RIMS1: variants seen among roughly 807,000 people sequenced by gnomAD.
The protein encoded by RIMS1 is regulating synaptic membrane exocytosis protein 1.
In RIMS1, 83 loss-of-function variants were observed where a neutral mutation model predicts 214.1. That is an observed-to-expected ratio of 0.39 (90% confidence interval 0.32 to 0.47). The LOEUF (loss-of-function observed/expected upper bound fraction) is 0.47. Ranked by LOEUF, RIMS1 falls within the 20% of genes least tolerant of loss-of-function variation. RIMS1 has a pLI of 0.99. For synonymous variants in RIMS1, 793 were observed against 786.8 expected, an observed-to-expected ratio of 1.01 and a Z score of -0.13; for missense variants, 2,050 against 2,161.8, an observed-to-expected ratio of 0.95 and a Z score of 1.03.
intron 2 of RIMS1, among the ~76,000 whole-genome samples, chr6:72,045,734 AT>A (rs1453103460): frequency 1.3e-5 from 2 of 151,398 alleles, no homozygotes; most frequent in African/African-American, 4.8e-5. Flanking sequence ...TTTCATTTGT[AT>A]TTTTTTACTA....
At chr6:72,193,205 C>T (rs981821656) in intron 6 of RIMS1, among the ~76,000 whole-genome samples, 1 of 152,194 alleles carries the variant, frequency 6.6e-6, no homozygotes, top group Non-Finnish European at 1.5e-5. Context: ...AACTTATTGC[C>T]TCACCATGCT....
intron 6 of RIMS1, among the ~76,000 whole-genome samples, chr6:72,185,936 G>A: frequency 6.6e-6 from 1 of 152,058 alleles, no homozygotes; most frequent in South Asian, 2.1e-4. Context: ...AGACATTTTT[G>A]GTGATCCACT....
At chr6:72,217,182 T>G in intron 6 of RIMS1, 1 of 1,536,898 alleles carries the variant, frequency 6.5e-7, no homozygotes, top group African/African-American at 1.4e-5. Flanking sequence ...ACTCCGATGC[T>G]GCTGTTATGT....
At chr6:72,119,195 A>C (rs1255935902) in intron 4 of RIMS1, among the ~76,000 whole-genome samples, 1 of 151,752 alleles carries the variant, frequency 6.6e-6, no homozygotes, top group Non-Finnish European at 1.5e-5. Context: ...TGAGCTGAGA[A>C]TCAAATAAAG....
At chr6:72,164,477 A>G (rs559080435) in intron 4 of RIMS1, among the ~76,000 whole-genome samples, 1 of 152,330 alleles carries the variant, frequency 6.6e-6, no homozygotes, top group Non-Finnish European at 1.5e-5. Context: ...CGTCTTCTGC[A>G]TCGCTCACGC....
At chr6:71,990,035 C>T (rs947527368) in intron 2 of RIMS1, among the ~76,000 whole-genome samples, 1 of 152,220 alleles carries the variant, frequency 6.6e-6, no homozygotes, top group Admixed American at 6.5e-5. Context: ...GAAGCCATCT[C>T]TGATTTCTGT....
chr6:72,088,930 G>T (rs1835413778), intron 2 of RIMS1, among the ~76,000 whole-genome samples: 3 of 151,458 alleles, frequency 2.0e-5, no homozygotes, highest in Admixed American at 1.3e-4. Context: ...GAGGGAAGGA[G>T]AGGTGAGGAG....
In RIMS1 at chr6:72,182,812, C is replaced by T. The variant is rs1206127943; in HGVS notation, c.1341C>T (p.His447=). Residue 447 remains histidine, a synonymous_variant, in exon 6 of 34, where the codon CAC becomes CAT. Coordinates refer to ENST00000521978, the MANE Select transcript of RIMS1 (RefSeq NM_014989.7). ...RAPGAKQLTN[H]SPPAPRHGPV... ...CGGGCGCCAAGCAGCTAACGAACCA[C>T]AGCCCGCCGGCGCCCAGACATGGGC... The T allele has an allele frequency of 6.5e-7, 1 of 1,549,140 alleles. No homozygotes were observed. The highest frequency in any genetic ancestry group is 8.7e-7 in the Non-Finnish European group (1 of 1,150,206).
At chr6:72,396,865 T>A (rs1424828100) in intron 31 of RIMS1, among the ~76,000 whole-genome samples, 1 of 151,820 alleles carries the variant, frequency 6.6e-6, no homozygotes, top group African/African-American at 2.4e-5. Flanking sequence ...ATACAAAATA[T>A]AGCCAGGCAT....
At chr6:72,392,378 A>G (rs2098715556) in intron 30 of RIMS1, among the ~76,000 whole-genome samples, 1 of 152,220 alleles carries the variant, frequency 6.6e-6, no homozygotes, top group South Asian at 2.1e-4. Context: ...TGTGAAGTTT[A>G]TGATATAAAA....
chr6:72,236,245 T>C (rs1562901508), intron 8 of RIMS1, among the ~76,000 whole-genome samples: 1 of 152,164 alleles, frequency 6.6e-6, no homozygotes, highest in Non-Finnish European at 1.5e-5. Context: ...AACTTAAACA[T>C]AGATTTTAAA....
chr6:72,372,942 C>A (rs2098265099), intron 29 of RIMS1, among the ~76,000 whole-genome samples: 2 of 152,140 alleles, frequency 1.3e-5, no homozygotes, highest in Admixed American at 1.3e-4. Flanking sequence ...GGACACAGTC[C>A]ACTGCTTTCA....
intron 1 of RIMS1, among the ~76,000 whole-genome samples, chr6:71,942,029 C>G (rs1412056120): frequency 2.6e-5 from 4 of 152,136 alleles, no homozygotes. Context: ...TCTTCTTTCC[C>G]TTTCTTTCTG....
chr6:72,003,054 T>C (rs532979879), intron 2 of RIMS1, among the ~76,000 whole-genome samples: 1 of 152,220 alleles, frequency 6.6e-6, no homozygotes, highest in East Asian at 1.9e-4. Flanking sequence ...GCTTACAGGG[T>C]GGCCAGATTA....
At chr6:71,911,580 C>T (rs1311246583) in intron 1 of RIMS1, among the ~76,000 whole-genome samples, 1 of 152,092 alleles carries the variant, frequency 6.6e-6, no homozygotes, top group Non-Finnish European at 1.5e-5. Context: ...GAAATATAAA[C>T]ATTCATTTAA....
chr6:72,195,692 C>T (rs1306870983), intron 6 of RIMS1, among the ~76,000 whole-genome samples: 1 of 152,072 alleles, frequency 6.6e-6, no homozygotes, highest in African/African-American at 2.4e-5. Context: ...CCTCTTTGGG[C>T]TTCAGCAGTA....
intron 4 of RIMS1, among the ~76,000 whole-genome samples, chr6:72,176,651 C>T (rs2153963796): frequency 6.6e-6 from 1 of 151,892 alleles, no homozygotes; most frequent in African/African-American, 2.4e-5. Flanking sequence ...TTTAAAAATA[C>T]AAATTTAAAA....
rs1795156453 is a variant in RIMS1 at position 71,969,000 on chromosome 6, T to C, written c.182T>C (p.Met61Thr). 2 of 1,613,916 alleles carry C rather than the reference T, an allele frequency of 1.2e-6. No individual in the cohort carries two copies. The highest frequency in any genetic ancestry group is 1.3e-5 in the African/African-American group (1 of 74,942). Reference sequence around the variant, plus strand: ...CGCCCCAGGTGTGTTGTCAGGGACATGGCGAAGCCTGCTGCCTGCAAAACA... The same window carrying C: ...CGCCCCAGGTGTGTTGTCAGGGACACGGCGAAGCCTGCTGCCTGCAAAACA... ...EAMLKCVVRD[M>T]AKPAACKTPR... Residue 61 changes from methionine (M) to threonine (T), a missense_variant, in exon 2 of 34, where the codon ATG becomes ACG. Met to Thr is a moderately conservative substitution (Grantham distance 81). Coordinates refer to ENST00000521978, the MANE Select transcript of RIMS1 (RefSeq NM_014989.7).
intron 26 of RIMS1, among the ~76,000 whole-genome samples, chr6:72,302,120 G>A (rs1361826361): frequency 2.6e-5 from 4 of 151,594 alleles, no homozygotes; most frequent in Admixed American, 6.6e-5. Flanking sequence ...TGTAATGGAG[G>A]GATATATCAG....
Sources: gnomAD v4.1 joint callset for allele counts (sites outside exome capture counted in the v4.1 genomes callset) on GRCh38, gnomAD v4.1.1 for gene constraint, MANE v1.5 for transcripts, NCBI Gene and HGNC (gene_info 2026-07-23, HGNC 2026-07-21) for gene names.